TAB2: variants seen among roughly 807,000 people sequenced by gnomAD.
TAB2 encodes TGF-beta-activated kinase 1 and MAP3K7-binding protein 2.
Under a neutral mutation model 65.0 loss-of-function variants are expected in TAB2, and 3 were observed. The ratio of observed to expected loss-of-function variants is 0.05; its 90% confidence interval spans 0.02 to 0.12. The LOEUF (loss-of-function observed/expected upper bound fraction) is 0.12. Ranked by LOEUF, TAB2 falls within the 10% of genes least tolerant of loss-of-function variation. TAB2 has a pLI of 1.00. For synonymous variants in TAB2, 298 were observed against 285.1 expected, an observed-to-expected ratio of 1.05 and a Z score of -0.46; for missense variants, 623 against 840.3, an observed-to-expected ratio of 0.74 and a Z score of 3.20.
chr6:149,327,307 T>C (rs1246379441), intron 1 of TAB2, among the ~76,000 whole-genome samples: 1 of 152,232 alleles, frequency 6.6e-6, no homozygotes, highest in African/African-American at 2.4e-5. Flanking sequence ...AATTATGTCA[T>C]AGTTGCCTGG....
At chr6:149,355,609 A>G (rs1007993931) in intron 1 of TAB2, among the ~76,000 whole-genome samples, 3 of 151,336 alleles carry the variant, frequency 2.0e-5, no homozygotes, top group Admixed American at 6.6e-5. Flanking sequence ...GGAGGTTGCA[A>G]TGAGTCGAGG....
chr6:149,372,007 G>A (rs1319837399), intron 2 of TAB2, among the ~76,000 whole-genome samples: 1 of 152,034 alleles, frequency 6.6e-6, no homozygotes, highest in Non-Finnish European at 1.5e-5. Flanking sequence ...TGTTCAGTAG[G>A]TTATTAAAAA....
intron 1 of TAB2, among the ~76,000 whole-genome samples, chr6:149,335,056 T>G (rs1779893149): frequency 6.6e-6 from 1 of 151,992 alleles, no homozygotes; most frequent in African/African-American, 2.4e-5. Flanking sequence ...CTCACTGAAT[T>G]CCATTGCTAT....
chr6:149,304,996 T>C (rs938477364), intron 1 of TAB2, among the ~76,000 whole-genome samples: 4 of 152,248 alleles, frequency 2.6e-5, no homozygotes, highest in African/African-American at 9.6e-5. Flanking sequence ...TGATACCAAA[T>C]ACAACGTAAA....
intron 1 of TAB2, among the ~76,000 whole-genome samples, chr6:149,223,149 A>G (rs1342902187): frequency 6.6e-6 from 1 of 152,256 alleles, no homozygotes; most frequent in Non-Finnish European, 1.5e-5. Context: ...AGACTATCTT[A>G]TTAAATTCAA....
At position 149,325,046 on chromosome 6, in the gene TAB2, C is replaced by T. The variant is rs188778540; in HGVS notation, c.-90+7031C>T. On this transcript the variant is annotated intron_variant, in intron 1 of 6. Coordinates refer to ENST00000637181, the MANE Select transcript of TAB2 (RefSeq NM_001292034.3). ...ACTGCTTTTGGTTTTTAGTTGATCT[C>T]TTTGTTAATTTTTCAGCTTCTCAGC... Among the ~76,000 whole-genome samples, 14 of 152,132 alleles carry T rather than the reference C, an allele frequency of 9.2e-5. No homozygotes were observed. In the East Asian group the frequency reaches 2.7e-3, roughly 29 times the overall value.
At chr6:149,402,556 AAACAAG>A (rs1485656851) in intron 6 of TAB2, among the ~76,000 whole-genome samples, 1 of 115,650 alleles carries the variant, frequency 8.6e-6, no homozygotes, top group Admixed American at 8.3e-5. Flanking sequence ...TCAAACACTC[AAACAAG>A]AATTAATACC....
intron 2 of TAB2, among the ~76,000 whole-genome samples, 169 bp downstream of exon 2, chr6:149,370,268 C>G (rs1387131078): frequency 2.6e-5 from 4 of 152,272 alleles, no homozygotes; most frequent in Admixed American, 2.6e-4. Flanking sequence ...ATGGAGCTTT[C>G]TGTACCCATC....
chr6:149,268,617 A>G (rs1445950728), intron 1 of TAB2, among the ~76,000 whole-genome samples: 1 of 152,250 alleles, frequency 6.6e-6, no homozygotes, highest in Non-Finnish European at 1.5e-5. Flanking sequence ...ACCTTAAAAT[A>G]ATAACACGAG....
At chr6:149,259,928 C>A (rs111570306) in intron 1 of TAB2, among the ~76,000 whole-genome samples, 15 of 152,260 alleles carry the variant, frequency 9.9e-5, no homozygotes, top group Non-Finnish European at 1.9e-4. Flanking sequence ...ATTCTATAGT[C>A]AAGAGTCAAA....
At chr6:149,400,546 G>A in intron 6 of TAB2, 1 of 1,614,256 alleles carries the variant, frequency 6.2e-7, no homozygotes, top group Non-Finnish European at 8.5e-7. Context: ...GAACCACGGG[G>A]ATTGTCAGTG....
chr6:149,315,940 T>A (rs1174719350), upstream of TAB2, among the ~76,000 whole-genome samples: 1 of 152,240 alleles, frequency 6.6e-6, no homozygotes, highest in African/African-American at 2.4e-5. Context: ...ATAAATTTTT[T>A]TAAAAATTTG....
chr6:149,319,213 G>A (rs1037536277), intron 1 of TAB2, among the ~76,000 whole-genome samples: 2 of 152,152 alleles, frequency 1.3e-5, no homozygotes, highest in African/African-American at 4.8e-5. Flanking sequence ...AGATTTGGCC[G>A]GGAATTTTAG....
chr6:149,309,877 GGT>G (rs1254885237), intron 1 of TAB2, among the ~76,000 whole-genome samples: 1,622 of 111,860 alleles, frequency 0.015, 20 homozygotes, highest in African/African-American at 0.064. Flanking sequence ...TGTGTGTGTG[GGT>G]GTGGGTGTGT....
intron 1 of TAB2, among the ~76,000 whole-genome samples, chr6:149,254,018 G>GA (rs1554254276): frequency 5.8e-5 from 8 of 137,354 alleles, no homozygotes; most frequent in East Asian, 2.2e-4. Flanking sequence ...AAGAAAGAAA[G>GA]AAAGAAAAGA....
At chr6:149,340,152 A>T (rs1040430933) in intron 1 of TAB2, among the ~76,000 whole-genome samples, 2 of 152,234 alleles carry the variant, frequency 1.3e-5, no homozygotes, top group Non-Finnish European at 2.9e-5. Context: ...TAAAAAGCTT[A>T]AACTACAATT....
chr6:149,356,501 G>A (rs1332301028), intron 1 of TAB2, among the ~76,000 whole-genome samples: 1 of 152,236 alleles, frequency 6.6e-6, no homozygotes, highest in Non-Finnish European at 1.5e-5. Flanking sequence ...GGCACCAGCA[G>A]ACTGAATGTC....
chr6:149,260,603 A>G (rs1254362674), intron 1 of TAB2, among the ~76,000 whole-genome samples: 6 of 152,246 alleles, frequency 3.9e-5, no homozygotes, highest in Non-Finnish European at 7.3e-5. Flanking sequence ...GTGGACTGAA[A>G]GAAGCCACTA....
upstream of TAB2, among the ~76,000 whole-genome samples, chr6:149,317,261 C>T (rs520852): frequency 0.39 from 58,827 of 151,576 alleles, 11,431 homozygotes; most frequent in East Asian, 0.46. The surrounding 1 kb of genome is among the most constrained non-coding windows in gnomAD (Gnocchi z 4.7). Context: ...AAAGGGGGTC[C>T]CAGCCCTCCC....
Sources: allele counts gnomAD v4.1 joint callset (sites outside exome capture counted in the v4.1 genomes callset), GRCh38; gene constraint gnomAD v4.1.1; non-coding constraint Gnocchi (gnomAD v3.1); transcripts MANE v1.5; gene names NCBI Gene and HGNC (gene_info 2026-07-23, HGNC 2026-07-21).